The following PHKA1 variants were observed in gnomAD, a reference collection of about 807,000 sequenced individuals.
PHKA1 encodes phosphorylase b kinase regulatory subunit alpha, skeletal muscle isoform.
PHKA1 carries 60 observed loss-of-function variants against 110.2 expected under a neutral mutation model. The ratio of observed to expected loss-of-function variants is 0.54; its 90% CI spans 0.44 to 0.68. The LOEUF is 0.68. PHKA1 is among the 30% of genes least tolerant of loss of function. The pLI, the probability that PHKA1 is intolerant of heterozygous loss-of-function variation, is 0.00. For missense variants in PHKA1, 801 were observed against 942.5 expected, an observed-to-expected ratio of 0.85 and a Z score of 1.97; for synonymous variants, 316 against 333.6, an observed-to-expected ratio of 0.95 and a Z score of 0.58.
chrX:72,659,202 A>T (rs2053531812), intron 8 of PHKA1, among the ~76,000 whole-genome samples: 1 of 111,677 alleles, frequency 9.0e-6, no homozygotes, highest in Non-Finnish European at 1.9e-5. Flanking sequence ...ATACTATGAT[A>T]GTTATTTTAT....
intron 16 of PHKA1, among the ~76,000 whole-genome samples, chrX:72,630,296 G>GGA (rs372667448): frequency 0.028 from 2,780 of 99,283 alleles, 90 homozygotes; most frequent in African/African-American, 0.086. Context: ...CGGGGGTGGG[G>GGA]GAGAGAGAGA....
intron 14 of PHKA1, among the ~76,000 whole-genome samples, chrX:72,636,756 G>A (rs542782395): frequency 2.5e-4 from 28 of 112,373 alleles, no homozygotes; most frequent in African/African-American, 7.4e-4. Flanking sequence ...CCCAAAACAC[G>A]TATTAAATAT....
chrX:72,670,840 G>T (rs141503829), intron 6 of PHKA1, among the ~76,000 whole-genome samples: 7,934 of 111,413 alleles, frequency 0.071, 831 homozygotes, highest in East Asian at 0.67. Context: ...AAAACCGCAT[G>T]ATTATCTCAA....
At chrX:72,628,476 C>G (rs2053117657) in intron 16 of PHKA1, among the ~76,000 whole-genome samples, 1 of 107,429 alleles carries the variant, frequency 9.3e-6, no homozygotes, top group Non-Finnish European at 1.9e-5. Flanking sequence ...TTTCATGTTT[C>G]AAAATCTGAC....
At chrX:72,587,563 G>T (rs1387950818) in intron 29 of PHKA1, among the ~76,000 whole-genome samples, 1 of 111,400 alleles carries the variant, frequency 9.0e-6, no homozygotes, top group Admixed American at 9.5e-5. Flanking sequence ...GTAATGACAG[G>T]ATCAAATTTA....
Position 72,587,792 on chromosome X carries a change from T to G in PHKA1, c.3244-3490A>C, listed in dbSNP as rs1328772331. On this transcript the variant is annotated intron_variant, in intron 29 of 31. Transcript: ENST00000373542. ...AGCAGGGTTTTGCAATCCTAGTCTC[T>G]GATAAAACAGACTTTAAAGCAACAA... 2.7e-5 allele frequency among the ~76,000 whole-genome samples: 3 copies of G among 111,118 alleles called. No individual in the cohort carries two copies. The South Asian group carries it at 1.1e-3, about 42-fold the overall frequency.
intron 5 of PHKA1, among the ~76,000 whole-genome samples, chrX:72,678,078 C>A (rs1014248504): frequency 1.8e-5 from 2 of 111,269 alleles, no homozygotes; most frequent in African/African-American, 3.3e-5. Context: ...AAAACACTCC[C>A]TTTTTGAACG....
intron 31 of PHKA1, 138 bp downstream of exon 31, chrX:72,582,260 G>A: frequency 4.2e-6 from 2 of 476,605 alleles, no homozygotes. Context: ...AGAGCTCAGA[G>A]CCGCTACAAA....
Position 72,620,921 on chromosome X carries a change from AG to A in PHKA1, c.1961-21del, listed in dbSNP as rs1478537803. 81 of 1,200,523 alleles carry A rather than the reference AG, an allele frequency of 6.7e-5. No homozygotes were observed. The highest frequency in any genetic ancestry group is 9.1e-5 in the Non-Finnish European group (81 of 888,536). ...AGCGAGCTGCAAGGTTAGTGGGGGGAGGGGGAAGAGAAAAGAATGAAAATAT... is the reference window on the plus strand; with the variant it reads ...AGCGAGCTGCAAGGTTAGTGGGGGGAGGGGAAGAGAAAAGAATGAAAATAT... On this transcript the variant is annotated intron_variant, in intron 18 of 31. Transcript: ENST00000373542.
At chrX:72,581,724 C>T (rs2052340082) in intron 31 of PHKA1, among the ~76,000 whole-genome samples, 2 of 112,122 alleles carry the variant, frequency 1.8e-5, no homozygotes, top group Admixed American at 1.9e-4. Flanking sequence ...TCTTAGAAAG[C>T]CCTGGATATT....
intron 2 of PHKA1, among the ~76,000 whole-genome samples, chrX:72,708,417 G>A (rs782805921): frequency 9.0e-6 from 1 of 111,503 alleles, no homozygotes; most frequent in South Asian, 3.8e-4. Flanking sequence ...GCACCAGCGT[G>A]ATATAATATT....
At position 72,591,363 on chromosome X, in the gene PHKA1, G is replaced by A. The variant is rs192967039; in HGVS notation, c.3243+1741C>T. On this transcript the variant is annotated intron_variant, in intron 29 of 31. Transcript: ENST00000373542. ...CAGTCATAGGTGGGAACTGAACAAT[G>A]AGAACACTTGGTCACAGGGTGGGGA... is the stretch of plus-strand genomic sequence containing the variant. 2.7e-5 allele frequency among the ~76,000 whole-genome samples: 3 copies of A among 110,520 alleles called. No homozygotes were observed. In the East Asian group the frequency reaches 8.6e-4, roughly 32 times the overall value.
chrX:72,623,078 G>A, intron 18 of PHKA1, 31 bp downstream of exon 18: 1 of 1,209,373 alleles, frequency 8.3e-7, no homozygotes, highest in Non-Finnish European at 1.1e-6. Context: ...GTTTTGTCCA[G>A]CCAGGCCAGT....
chrX:72,637,759 TA>T (rs2053246143), intron 14 of PHKA1, among the ~76,000 whole-genome samples: 1 of 111,877 alleles, frequency 8.9e-6, no homozygotes, highest in Admixed American at 9.5e-5. Context: ...ACAATTTTTC[TA>T]TTTTACAGAA....
At position 72,666,301 on chromosome X, in the gene PHKA1, A is replaced by C; in HGVS notation, c.718-4T>G. 8.3e-7 allele frequency: 1 copy of C among 1,201,923 alleles called. No homozygotes were observed. The highest frequency in any genetic ancestry group is 1.8e-5 in the South Asian group (1 of 56,554). ...GCAGTAGTGAATTTAGGATAGACTAAGAGAAAAGAAGTTAAGTTTATATAA... is the reference window on the plus strand; with the variant it reads ...GCAGTAGTGAATTTAGGATAGACTACGAGAAAAGAAGTTAAGTTTATATAA... On this transcript the variant is annotated splice_polypyrimidine_tract_variant and splice_region_variant and intron_variant, in intron 7 of 31. Coordinates refer to ENST00000373542, the MANE Select transcript of PHKA1 (RefSeq NM_002637.4).
intron 18 of PHKA1, 65 bp from the exon 19 acceptor site, chrX:72,620,966 T>C (rs2052970706): frequency 5.4e-6 from 6 of 1,103,716 alleles, no homozygotes; most frequent in African/African-American, 1.8e-5. Context: ...CTTTACAATC[T>C]ACCCCAGCAA....
At chrX:72,646,664 G>A (rs2053363682) in intron 13 of PHKA1, among the ~76,000 whole-genome samples, 2 of 111,650 alleles carry the variant, frequency 1.8e-5, no homozygotes, top group South Asian at 3.8e-4. Context: ...AGATGGGGTC[G>A]GGGCTAGATC....
chrX:72,681,333 T>C (rs1348746626), intron 5 of PHKA1, among the ~76,000 whole-genome samples: 20 of 102,044 alleles, frequency 2.0e-4, no homozygotes, highest in South Asian at 1.3e-3. Flanking sequence ...GCCCGGCAGC[T>C]GCCCCGTCTG....
intron 31 of PHKA1, 91 bp from the exon 32 acceptor site, chrX:72,581,266 T>C (rs2052333074): frequency 8.3e-6 from 5 of 599,201 alleles, no homozygotes; most frequent in Non-Finnish European, 8.7e-6. Context: ...ATTCAGAACC[T>C]CCTCCCCAAC....
Sources: allele counts gnomAD v4.1 joint callset (sites outside exome capture counted in the v4.1 genomes callset), GRCh38; gene constraint gnomAD v4.1.1; transcripts MANE v1.5; gene names NCBI Gene and HGNC (gene_info 2026-07-23, HGNC 2026-07-21).